PPP1R16B: variants seen among roughly 807,000 people sequenced by gnomAD.
The protein encoded by PPP1R16B is protein phosphatase 1 regulatory subunit 16B, also known as protein phosphatase 1 regulatory inhibitor subunit 16B.
Under a neutral mutation model 61.7 loss-of-function variants are expected in PPP1R16B, and 14 were observed. That is an observed-to-expected ratio of 0.23 (90% CI 0.15 to 0.35). PPP1R16B has a LOEUF of 0.35. Ranked by LOEUF, PPP1R16B falls within the 10% of genes least tolerant of loss-of-function variation. PPP1R16B has a pLI of 1.00. For synonymous variants in PPP1R16B, 266 were observed against 305.3 expected, an observed-to-expected ratio of 0.87 and a Z score of 1.34; for missense variants, 547 against 752.5, an observed-to-expected ratio of 0.73 and a Z score of 3.19.
At chr20:38,857,114 C>G (rs1242474146) in intron 2 of PPP1R16B, among the ~76,000 whole-genome samples, 3 of 152,164 alleles carry the variant, frequency 2.0e-5, no homozygotes, top group African/African-American at 4.8e-5. Context: ...TCAGTCTTCC[C>G]CAGGGTGCAC....
At chr20:38,902,134 T>C (rs1049071391) in intron 5 of PPP1R16B, among the ~76,000 whole-genome samples, 2 of 152,234 alleles carry the variant, frequency 1.3e-5, no homozygotes, top group Non-Finnish European at 2.9e-5. Context: ...GGCTATACAA[T>C]GTCTCTCTGG....
At chr20:38,818,390 G>A (rs939715452) in intron 1 of PPP1R16B, among the ~76,000 whole-genome samples, 3 of 152,096 alleles carry the variant, frequency 2.0e-5, no homozygotes, top group Admixed American at 2.0e-4. Context: ...TTGGGGGAGG[G>A]GAGGGAAGTC....
chr20:38,850,308 C>A (rs2084960007), intron 2 of PPP1R16B, among the ~76,000 whole-genome samples: 3 of 152,110 alleles, frequency 2.0e-5, no homozygotes, highest in African/African-American at 7.2e-5. Context: ...CTGCTTCTCC[C>A]AAACACATGG....
Position 38,808,492 on chromosome 20 carries a change from A to G in PPP1R16B, c.-102+2700A>G, listed in dbSNP as rs888625445. Among the ~76,000 whole-genome samples, 2 of 152,162 alleles carry G rather than the reference A, an allele frequency of 1.3e-5. 1 individual carries two copies. The highest frequency in any genetic ancestry group is 4.1e-4 in the South Asian group (2 of 4,832). The stretch of plus-strand genomic sequence containing the variant: ...GGAAAACCTTCACTGTCCTGAGTGC[A>G]TCTTAGCAATTGGGCTTCAAGAAGG... On this transcript the variant is annotated intron_variant, in intron 1 of 10. Coordinates refer to ENST00000299824, the MANE Select transcript of PPP1R16B (RefSeq NM_015568.4).
chr20:38,909,817 G>T (rs1174815969), intron 10 of PPP1R16B, among the ~76,000 whole-genome samples: 1 of 152,144 alleles, frequency 6.6e-6, no homozygotes, highest in African/African-American at 2.4e-5. Flanking sequence ...GGGCACGTAG[G>T]GAAGATTTGT....
At chr20:38,895,430 C>T in intron 3 of PPP1R16B, 135 bp from the exon 4 acceptor site, 2 of 1,048,754 alleles carry the variant, frequency 1.9e-6, no homozygotes, top group Non-Finnish European at 2.7e-6. Flanking sequence ...ACAGTGTGAA[C>T]ATCATGGAGC....
chr20:38,842,137 G>A (rs2084912421), intron 2 of PPP1R16B, among the ~76,000 whole-genome samples: 1 of 152,174 alleles, frequency 6.6e-6, no homozygotes, highest in South Asian at 2.1e-4. Flanking sequence ...TCAATCCCAG[G>A]ATTCAAACCC....
Position 38,891,188 on chromosome 20 carries a change from G to C in PPP1R16B, c.321+1523G>C, listed in dbSNP as rs571450890. Reference sequence around the variant, plus strand: ...GTGGGCTACCTCCTACTGCGTGCCAGAAAGGTGAGGATGTCAGGACTGACA... The same window carrying C: ...GTGGGCTACCTCCTACTGCGTGCCACAAAGGTGAGGATGTCAGGACTGACA... On this transcript the variant is annotated intron_variant, in intron 3 of 10. Coordinates refer to ENST00000299824, the MANE Select transcript of PPP1R16B (RefSeq NM_015568.4). Among the ~76,000 whole-genome samples, 6 of 152,332 alleles carry C rather than the reference G, an allele frequency of 3.9e-5. No individual in the cohort carries two copies. In the East Asian group the frequency reaches 1.2e-3, roughly 29 times the overall value.
chr20:38,825,446 G>T (rs998148748), intron 1 of PPP1R16B, among the ~76,000 whole-genome samples: 1 of 152,200 alleles, frequency 6.6e-6, no homozygotes, highest in African/African-American at 2.4e-5. Flanking sequence ...GGACATTTTG[G>T]TTAACAAACC....
At chr20:38,834,284 T>C in intron 1 of PPP1R16B, among the ~76,000 whole-genome samples, 1 of 152,222 alleles carries the variant, frequency 6.6e-6, no homozygotes, top group East Asian at 1.9e-4. Flanking sequence ...ATGTTGAGAT[T>C]GCAGGCATTG....
At chr20:38,880,427 G>C (rs2085196382) in intron 2 of PPP1R16B, among the ~76,000 whole-genome samples, 1 of 152,234 alleles carries the variant, frequency 6.6e-6, no homozygotes. Context: ...AGCCCTTTGG[G>C]AGGCTGAGGC....
intron 1 of PPP1R16B, among the ~76,000 whole-genome samples, chr20:38,810,207 G>A (rs564316449): frequency 1.3e-5 from 2 of 152,320 alleles, no homozygotes; most frequent in South Asian, 2.1e-4. Context: ...CAGAGGCACC[G>A]AGGCTTAAAA....
intron 2 of PPP1R16B, among the ~76,000 whole-genome samples, chr20:38,888,075 C>T (rs2085259723): frequency 6.6e-6 from 1 of 152,234 alleles, no homozygotes; most frequent in Admixed American, 6.5e-5. Flanking sequence ...CCCTGCCCAG[C>T]TCACTTCTAA....
chr20:38,814,994 T>G lies in PPP1R16B; in HGVS notation c.-102+9202T>G, dbSNP rs544864831. ...ATGTTGCCTTATAAACATTGCCAATTACCTTATAAAAATATAGGGAAGATT... is the reference window on the plus strand; with the variant it reads ...ATGTTGCCTTATAAACATTGCCAATGACCTTATAAAAATATAGGGAAGATT... On this transcript the variant is annotated intron_variant, in intron 1 of 10. Coordinates refer to ENST00000299824, the MANE Select transcript of PPP1R16B (RefSeq NM_015568.4). 7.2e-5 allele frequency among the ~76,000 whole-genome samples: 11 copies of G among 152,338 alleles called. 1 individual carries two copies. In the South Asian group the frequency reaches 2.3e-3, roughly 32 times the overall value.
intron 3 of PPP1R16B, among the ~76,000 whole-genome samples, chr20:38,893,608 G>A (rs2085308377): frequency 6.6e-6 from 1 of 151,932 alleles, no homozygotes; most frequent in Non-Finnish European, 1.5e-5. Flanking sequence ...GGGAGGAGGC[G>A]GCTGACTGCC....
At chr20:38,849,296 G>A (rs1229357471) in intron 2 of PPP1R16B, among the ~76,000 whole-genome samples, 1 of 152,134 alleles carries the variant, frequency 6.6e-6, no homozygotes, top group Non-Finnish European at 1.5e-5. Context: ...CAGATGATAA[G>A]GTTGTCTGAT....
At chr20:38,824,463 T>C (rs2145711753) in intron 1 of PPP1R16B, among the ~76,000 whole-genome samples, 1 of 152,326 alleles carries the variant, frequency 6.6e-6, no homozygotes, top group Admixed American at 6.5e-5. Flanking sequence ...CCTTTAGAGA[T>C]TTTCCCAGTT....
At chr20:38,854,172 A>T (rs2084987831) in intron 2 of PPP1R16B, among the ~76,000 whole-genome samples, 1 of 152,120 alleles carries the variant, frequency 6.6e-6, no homozygotes, top group South Asian at 2.1e-4. Context: ...AATGTCTGAG[A>T]TGTATGGGGT....
At chr20:38,866,322 AC>A (rs1372203234) in intron 2 of PPP1R16B, among the ~76,000 whole-genome samples, 1 of 151,836 alleles carries the variant, frequency 6.6e-6, no homozygotes, top group Admixed American at 6.6e-5. Flanking sequence ...TCTGGGTTCT[AC>A]CCCAGACTTG....
Sources: allele counts gnomAD v4.1 joint callset (sites outside exome capture counted in the v4.1 genomes callset), GRCh38; gene constraint gnomAD v4.1.1; transcripts MANE v1.5; gene names NCBI Gene and HGNC (gene_info 2026-07-23, HGNC 2026-07-21).